Variants in NFIA observed in about 807,000 individuals in gnomAD.
NFIA encodes the protein nuclear factor I A.
In NFIA, 8 loss-of-function variants were observed where a neutral mutation model predicts 62.8. The observed-to-expected ratio is 0.13, with a 90% CI of 0.07 to 0.23. The LOEUF (loss-of-function observed/expected upper bound fraction) is 0.23, where lower values mean the gene tolerates loss of function less well. Among genes scored for constraint, NFIA ranks in the 10% least tolerant of loss-of-function variants. The pLI is 1.00. For synonymous variants in NFIA, 235 were observed against 238.1 expected (o/e 0.99, Z 0.12); for missense variants, 410 against 642.1 (o/e 0.64, Z 3.91).
intron 4 of NFIA, among the ~76,000 whole-genome samples, chr1:61,342,932 C>T (rs938730248): frequency 6.6e-6 from 1 of 152,206 alleles, no homozygotes; most frequent in African/African-American, 2.4e-5. Flanking sequence ...AATATAAATA[C>T]ATATTCCATA....
At chr1:61,126,437 AAC>A (rs61077935) in intron 2 of NFIA, among the ~76,000 whole-genome samples, 1,938 of 74,802 alleles carry the variant, frequency 0.026, 25 homozygotes, top group African/African-American at 0.062. Context: ...TTTGAAAATG[AAC>A]ACACACACAC....
chr1:61,267,346 C>CA (rs1364411160), intron 2 of NFIA, among the ~76,000 whole-genome samples: 1 of 151,224 alleles, frequency 6.6e-6, no homozygotes, highest in Non-Finnish European at 1.5e-5. Context: ...CTGTCTCTAC[C>CA]AAAAAACACA....
intron 7 of NFIA, among the ~76,000 whole-genome samples, chr1:61,390,331 C>CA (rs369484896): frequency 0.015 from 2,125 of 145,894 alleles, 54 homozygotes; most frequent in African/African-American, 0.049. Context: ...CTTTATGAGT[C>CA]AAAAAAAAAA....
chr1:61,268,945 C>A (rs894282723), intron 2 of NFIA, among the ~76,000 whole-genome samples: 4 of 152,138 alleles, frequency 2.6e-5, no homozygotes, highest in Non-Finnish European at 5.9e-5. Context: ...CCCCCACCGT[C>A]CCCTGAACCC....
intron 6 of NFIA, among the ~76,000 whole-genome samples, chr1:61,361,781 AG>A (rs1173065939): frequency 2.9e-5 from 3 of 103,722 alleles, no homozygotes; most frequent in African/African-American, 1.2e-4. Context: ...TTTTGGTAAG[AG>A]GTGTGTGTGT....
chr1:61,426,395 G>C (rs943945573), intron 9 of NFIA, 70 bp from the exon 10 acceptor site: 13 of 1,014,904 alleles, frequency 1.3e-5, no homozygotes, highest in Non-Finnish European at 2.0e-5. Context: ...CGGAGACTGT[G>C]TGTTTTGGTG....
chr1:61,339,165 A>G (rs924910674), intron 4 of NFIA, among the ~76,000 whole-genome samples: 4 of 152,208 alleles, frequency 2.6e-5, no homozygotes, highest in African/African-American at 7.2e-5. Context: ...ATGTTTATAA[A>G]TGGAACTCGG....
At chr1:61,156,774 G>A (rs893787385) in intron 2 of NFIA, among the ~76,000 whole-genome samples, 1 of 152,152 alleles carries the variant, frequency 6.6e-6, no homozygotes, top group African/African-American at 2.4e-5. Flanking sequence ...TAACAGCAGC[G>A]GTAAATCAGA....
At chr1:61,278,624 C>A (rs1266936915) in intron 3 of NFIA, among the ~76,000 whole-genome samples, 3 of 152,144 alleles carry the variant, frequency 2.0e-5, no homozygotes, top group Non-Finnish European at 2.9e-5. Context: ...CATGTCTTTA[C>A]TAAAAATAGA....
chr1:61,455,248 AAC>A (rs1668246097), intron 10 of NFIA, 53 bp from the exon 11 acceptor site: 1 of 1,605,702 alleles, frequency 6.2e-7, no homozygotes, highest in African/African-American at 1.3e-5. Context: ...CAACTTCTAA[AAC>A]ACACGTTTTT....
chr1:61,403,183 C>T (rs769749010), intron 7 of NFIA, among the ~76,000 whole-genome samples: 4 of 152,226 alleles, frequency 2.6e-5, no homozygotes, highest in African/African-American at 4.8e-5. Context: ...CATTGAGAAG[C>T]AAGAGCTGCT....
At chr1:61,103,767 A>G (rs538026182) in intron 2 of NFIA, among the ~76,000 whole-genome samples, 26 of 152,308 alleles carry the variant, frequency 1.7e-4, no homozygotes, top group Non-Finnish European at 3.2e-4. Flanking sequence ...TGTTTTTTAC[A>G]GAATGATTTT....
chr1:61,388,880 T>TGA (rs1664832042), intron 7 of NFIA, among the ~76,000 whole-genome samples: 1 of 152,162 alleles, frequency 6.6e-6, no homozygotes, highest in Non-Finnish European at 1.5e-5. Flanking sequence ...TTCAGGAGGC[T>TGA]GAGGCAGGAA....
At position 61,426,567 on chromosome 1, in the gene NFIA, C is replaced by T. The variant is rs540808504; in HGVS notation, c.1512+11C>T. On this transcript the variant is annotated intron_variant, in intron 10 of 10. Transcript: ENST00000403491. ...CCTCAACAGACACAGGTGGGCCGCT[C>T]TCATCTTTTCTGTATGTGGTGCAGC... The T allele has an allele frequency of 9.7e-6, 15 of 1,540,214 alleles. No individual in the cohort carries two copies. The South Asian group carries it at 1.7e-4, about 17-fold the overall frequency.
intron 2 of NFIA, among the ~76,000 whole-genome samples, chr1:61,219,407 C>A (rs1211359998): frequency 6.6e-6 from 1 of 151,964 alleles, no homozygotes; most frequent in African/African-American, 2.4e-5. Context: ...TACCAACTAT[C>A]TAACATTTAA....
chr1:61,160,873 T>C (rs1649151381), intron 2 of NFIA, among the ~76,000 whole-genome samples: 1 of 152,190 alleles, frequency 6.6e-6, no homozygotes, highest in South Asian at 2.1e-4. Context: ...ATCTAGATTA[T>C]TTGCATTGTT....
chr1:61,312,041 CTG>C (rs1488222257), intron 3 of NFIA, among the ~76,000 whole-genome samples: 5 of 152,174 alleles, frequency 3.3e-5, no homozygotes, highest in African/African-American at 1.2e-4. Flanking sequence ...GTGCTGGAGA[CTG>C]TGTTATTTCA....
chr1:61,401,961 T>G (rs1383440603), intron 7 of NFIA, among the ~76,000 whole-genome samples: 1 of 151,890 alleles, frequency 6.6e-6, no homozygotes, highest in Non-Finnish European at 1.5e-5. Flanking sequence ...GCTTGTGGGT[T>G]TTAACAAGCA....
At chr1:61,084,686 CAG>C (rs1251086990) in intron 1 of NFIA, among the ~76,000 whole-genome samples, 2 of 152,232 alleles carry the variant, frequency 1.3e-5, no homozygotes, top group East Asian at 3.9e-4. Flanking sequence ...AGGACCCTAA[CAG>C]ATACATTAGT....
Sources: gnomAD v4.1 joint callset for allele counts (sites outside exome capture counted in the v4.1 genomes callset) on GRCh38, gnomAD v4.1.1 for gene constraint, MANE v1.5 for transcripts, NCBI Gene and HGNC (gene_info 2026-07-23, HGNC 2026-07-21) for gene names.